Variants in SGMS2 observed in about 807,000 individuals in gnomAD.
SGMS2 encodes sphingomyelin synthase 2.
In SGMS2, 21 loss-of-function variants were observed where a neutral mutation model predicts 43.8. That is an observed-to-expected ratio of 0.48 (90% CI 0.34 to 0.69). SGMS2 has a LOEUF of 0.69. Ranked by LOEUF, SGMS2 falls within the 30% of genes least tolerant of loss-of-function variation. The pLI, the probability that SGMS2 is intolerant of heterozygous loss-of-function variation, is 0.01. For missense variants in SGMS2, 384 were observed against 443.2 expected (o/e 0.87, Z 1.20); for synonymous variants, 167 against 160.6 (o/e 1.04, Z -0.30).
At chr4:107,841,385 T>C (rs74956372) in intron 1 of SGMS2, among the ~76,000 whole-genome samples, 4,518 of 152,182 alleles carry the variant, frequency 0.03, 97 homozygotes, top group Non-Finnish European at 0.043. Context: ...CCACTCTTTT[T>C]CCCCTGTGAA....
intron 2 of SGMS2, among the ~76,000 whole-genome samples, chr4:107,865,420 G>C (rs934606778): frequency 4.6e-5 from 7 of 152,010 alleles, no homozygotes; most frequent in Admixed American, 3.3e-4. Flanking sequence ...GATTACTTGG[G>C]ATATTATTAT....
intron 1 of SGMS2, among the ~76,000 whole-genome samples, chr4:107,853,145 T>A (rs1727244981): frequency 6.6e-6 from 1 of 152,122 alleles, no homozygotes; most frequent in Non-Finnish European, 1.5e-5. Flanking sequence ...CTTTGTGTCA[T>A]GAAAGAAAGA....
intron 1 of SGMS2, among the ~76,000 whole-genome samples, chr4:107,833,263 A>G (rs1424334090): frequency 6.6e-6 from 1 of 152,178 alleles, no homozygotes; most frequent in Non-Finnish European, 1.5e-5. Context: ...TTGTAAATTA[A>G]AATAGTTAAA....
chr4:107,901,334 T>C (rs1294893880), intron 4 of SGMS2, among the ~76,000 whole-genome samples: 1 of 152,032 alleles, frequency 6.6e-6, no homozygotes, highest in Non-Finnish European at 1.5e-5. Context: ...GGCATCAGAG[T>C]TGTGTTCTAA....
At chr4:107,890,726 C>T (rs1198093870) in intron 2 of SGMS2, among the ~76,000 whole-genome samples, 1 of 145,948 alleles carries the variant, frequency 6.9e-6, no homozygotes, top group African/African-American at 2.5e-5. Context: ...GGAATAAAAA[C>T]ATGAAGGCCT....
chr4:107,896,660 A>G (rs1387394302), intron 3 of SGMS2, among the ~76,000 whole-genome samples: 3 of 152,184 alleles, frequency 2.0e-5, no homozygotes, highest in African/African-American at 7.2e-5. Flanking sequence ...TGGACACCAC[A>G]AAGGAGCTCA....
At chr4:107,877,550 G>C (rs750262396) in intron 2 of SGMS2, among the ~76,000 whole-genome samples, 2 of 152,102 alleles carry the variant, frequency 1.3e-5, no homozygotes, top group Non-Finnish European at 2.9e-5. Context: ...AACAACTGCT[G>C]GCTGCTTTTG....
chr4:107,877,260 A>G lies in SGMS2; in HGVS notation c.-244-18050A>G, dbSNP rs75958276. Among the ~76,000 whole-genome samples, 222 of 152,336 alleles carry G rather than the reference A, an allele frequency of 1.5e-3. 3 individuals are homozygous for G. In the East Asian group the frequency reaches 0.037, roughly 25 times the overall value. The stretch of plus-strand genomic sequence containing the variant: ...GAGTTTACTGCAGCCTGGATGTCAG[A>G]AAGATATCCTGTCTAAACAAAACAA... On this transcript the variant is annotated intron_variant, in intron 2 of 6. Coordinates refer to ENST00000690982, the MANE Select transcript of SGMS2 (RefSeq NM_001375905.1).
At chr4:107,829,601 A>G (rs1029377027) in intron 1 of SGMS2, among the ~76,000 whole-genome samples, 1 of 152,224 alleles carries the variant, frequency 6.6e-6, no homozygotes, top group African/African-American at 2.4e-5. Flanking sequence ...ATTCAGCCTT[A>G]TAATTTTGTG....
intron 1 of SGMS2, among the ~76,000 whole-genome samples, chr4:107,849,758 G>A (rs1727034401): frequency 6.6e-6 from 1 of 152,128 alleles, no homozygotes; most frequent in South Asian, 2.1e-4. Context: ...AAAGCCCTTG[G>A]CTTGTTTTCA....
intron 1 of SGMS2, among the ~76,000 whole-genome samples, chr4:107,838,804 A>G (rs1418104062): frequency 6.6e-6 from 1 of 151,844 alleles, no homozygotes; most frequent in African/African-American, 2.4e-5. Context: ...TTTTGCTTAT[A>G]TCATCTGCTA....
chr4:107,875,601 A>G (rs1728850946), intron 2 of SGMS2, among the ~76,000 whole-genome samples: 1 of 152,276 alleles, frequency 6.6e-6, no homozygotes, highest in East Asian at 1.9e-4. Context: ...CTGTACAGCA[A>G]ACCCCCATGA....
intron 1 of SGMS2, among the ~76,000 whole-genome samples, chr4:107,847,055 T>C (rs1184081023): frequency 1.3e-5 from 2 of 151,914 alleles, no homozygotes; most frequent in Non-Finnish European, 1.5e-5. Flanking sequence ...TTCTCCCATT[T>C]TGTAGGTTGC....
At chr4:107,835,133 T>A (rs139046845) in intron 1 of SGMS2, among the ~76,000 whole-genome samples, 5 of 152,292 alleles carry the variant, frequency 3.3e-5, no homozygotes, top group African/African-American at 1.2e-4. Flanking sequence ...CTTTGTACAA[T>A]GTAGCAATAG....
rs1244578488 is a variant in SGMS2 at position 107,914,395 on chromosome 4, C to T, written c.*3842C>T. 1 of 151,964 alleles carries T rather than the reference C, an allele frequency of 6.6e-6. No homozygotes were observed. Among genetic ancestry groups the T allele is most frequent in the Non-Finnish European group, 1.5e-5 (1 of 67,948 alleles). 9.4% of individuals were successfully genotyped at this position (151,964 alleles called of 1,614,324 possible). ...GATGAACAAAAACTAATCTAATTGC[C>T]AAGTTAGAATTCATTATTTAATTTA... is the stretch of plus-strand genomic sequence containing the variant. On this transcript the variant is annotated 3_prime_UTR_variant, in exon 7 of 7. Transcript: ENST00000690982.
chr4:107,890,534 G>T (rs1161449947), intron 2 of SGMS2, among the ~76,000 whole-genome samples: 4 of 152,030 alleles, frequency 2.6e-5, no homozygotes, highest in African/African-American at 9.7e-5. Context: ...AATTAGCTGG[G>T]TGTGGTGGTA....
chr4:107,846,492 T>G (rs1726829361), intron 1 of SGMS2, among the ~76,000 whole-genome samples: 1 of 150,012 alleles, frequency 6.7e-6, no homozygotes, highest in Admixed American at 6.6e-5. Context: ...TGTGCCACAT[T>G]TTCTTAATCC....
chr4:107,896,862 C>T (rs575203610), intron 3 of SGMS2, among the ~76,000 whole-genome samples: 1 of 152,250 alleles, frequency 6.6e-6, no homozygotes, highest in South Asian at 2.1e-4. Context: ...TCCTCTCATT[C>T]ATCATTTAGA....
chr4:107,884,577 T>A (rs943897319), intron 2 of SGMS2, among the ~76,000 whole-genome samples: 7 of 152,224 alleles, frequency 4.6e-5, no homozygotes, highest in African/African-American at 1.7e-4. Context: ...AACTGGGAAC[T>A]GCTTAGGGCA....
Sources: allele counts gnomAD v4.1 joint callset (sites outside exome capture counted in the v4.1 genomes callset), GRCh38; gene constraint gnomAD v4.1.1; transcripts MANE v1.5; gene names NCBI Gene and HGNC (gene_info 2026-07-23, HGNC 2026-07-21).